Variants in SLCO4A1 observed in about 807,000 individuals in gnomAD.
The protein encoded by SLCO4A1 is solute carrier organic anion transporter family member 4A1, also known as colon organic anion transporter.
A neutral mutation model predicts 64.6 loss-of-function variants in SLCO4A1; 51 were observed. The observed-to-expected ratio is 0.79, with a 90% confidence interval of 0.63 to 1.00. The LOEUF (loss-of-function observed/expected upper bound fraction) is 1.00, where lower values mean the gene tolerates loss of function less well. SLCO4A1 is among the 50% of genes least tolerant of loss of function. SLCO4A1 has a pLI of 0.00. For synonymous variants in SLCO4A1, 471 were observed against 444.9 expected (o/e 1.06, Z -0.74); for missense variants, 919 against 980.5 (o/e 0.94, Z 0.84).
At chr20:62,665,219 A>G (rs1601659927) in intron 6 of SLCO4A1, 131 bp downstream of exon 6, 2 of 1,072,746 alleles carry the variant, frequency 1.9e-6, no homozygotes, top group East Asian at 5.0e-5. Context: ...CCGCTGCCAG[A>G]GCAGGTGTGG....
At chr20:62,658,119 G>GGTCACA in intron 2 of SLCO4A1, among the ~76,000 whole-genome samples, 1 of 152,224 alleles carries the variant, frequency 6.6e-6, no homozygotes, top group South Asian at 2.1e-4. Flanking sequence ...GGATGGTCAC[G>GGTCACA]GGGAGCAGCT....
At chr20:62,660,701 C>G (rs1984621390) in intron 4 of SLCO4A1, among the ~76,000 whole-genome samples, 168 bp downstream of exon 4, 1 of 152,238 alleles carries the variant, frequency 6.6e-6, no homozygotes, top group Non-Finnish European at 1.5e-5. Context: ...CGCCTCCTGG[C>G]TGTGGCACAA....
At chr20:62,665,444 A>C (rs1985962757) in intron 6 of SLCO4A1, 2 of 196,712 alleles carry the variant, frequency 1.0e-5, no homozygotes, top group Non-Finnish European at 1.0e-5. Flanking sequence ...GGAACAGTGC[A>C]GCTGGGGGTT....
chr20:62,656,932 G>A lies in SLCO4A1; in HGVS notation c.478G>A (p.Val160Ile), dbSNP rs757629786. 6 of 1,564,854 alleles carry A rather than the reference G, an allele frequency of 3.8e-6. No homozygotes were observed. The highest frequency in any genetic ancestry group is 1.2e-5 in the South Asian group (1 of 84,264). ...DIAACLCLTFVSYFGGSGHKP... is the reference protein window; with the variant it reads ...DIAACLCLTFISYFGGSGHKP... ...TGCCGCCTGCCTCTGCCTCACCTTC[G>A]TCAGCTACTTCGGGGGCTCAGGGCA... The change falls in exon 2 of 12, where the codon GTC (valine) becomes ATC (isoleucine). Residue 160 changes from valine to isoleucine, a missense_variant. Transcript: ENST00000217159.
At chr20:62,665,269 G>A in intron 6 of SLCO4A1, 181 bp downstream of exon 6, 1 of 628,138 alleles carries the variant, frequency 1.6e-6, no homozygotes, top group Non-Finnish European at 2.7e-6. Flanking sequence ...CCACAGGCCG[G>A]GAGAGTGGTG....
chr20:62,658,200 C>T (rs1025141548), intron 2 of SLCO4A1, among the ~76,000 whole-genome samples: 4 of 152,268 alleles, frequency 2.6e-5, no homozygotes, highest in African/African-American at 9.6e-5. Flanking sequence ...TCCCAGTCAC[C>T]TGGCAGTGCT....
intron 2 of SLCO4A1, among the ~76,000 whole-genome samples, chr20:62,679,048 A>G (rs1159560798): frequency 6.6e-6 from 1 of 152,158 alleles, no homozygotes. Flanking sequence ...ATGAAACCCC[A>G]TCTCTACTGA....
At chr20:62,643,603 C>T (rs1980799831) in intron 1 of SLCO4A1, among the ~76,000 whole-genome samples, 1 of 152,250 alleles carries the variant, frequency 6.6e-6, no homozygotes, top group South Asian at 2.1e-4. Context: ...TTGTCAGCTG[C>T]TGCTCCTCAG....
At chr20:62,687,113 AGGGCACCCCCAAACAGGCACGATGGGTG>A (rs1295963700), downstream of SLCO4A1, among the ~76,000 whole-genome samples, 6 of 146,278 alleles carry the variant, frequency 4.1e-5, no homozygotes, top group African/African-American at 1.0e-4. Flanking sequence ...GCAATGGGAA[AGGGCACCCCCAAACAGGCACGATGGGTG>A]GGGCACCCCC....
chr20:62,676,829 GA>G (rs1316287018), downstream of SLCO4A1, among the ~76,000 whole-genome samples: 6 of 152,214 alleles, frequency 3.9e-5, no homozygotes, highest in Admixed American at 2.6e-4. Context: ...TCCACATAAA[GA>G]CATGCATACA....
In SLCO4A1 at chr20:62,660,458, G is replaced by T. The variant is rs1276211364; in HGVS notation, c.934G>T (p.Val312Phe). ...CCCACTGTGGGTCGGCGCCTGGTGG[G>T]TCGGCTTCCTGGGCTCTGGGGCCGC... Reference protein sequence around the residue: ...ESPLWVGAWWVGFLGSGAAAF... With the variant: ...ESPLWVGAWWFGFLGSGAAAF... The change falls in exon 4 of 12, where the codon GTC becomes TTC. Residue 312 changes from valine (V) to phenylalanine (F), a missense_variant. Physicochemically the swap from Val to Phe is conservative, Grantham distance 50. Coordinates refer to ENST00000217159, the MANE Select transcript of SLCO4A1 (RefSeq NM_016354.4). 2 of 1,601,954 alleles carry T rather than the reference G, an allele frequency of 1.2e-6. No homozygotes were observed. Among genetic ancestry groups the T allele is most frequent in the East Asian group, 4.5e-5 (2 of 44,834 alleles).
At chr20:62,668,294 C>A (rs78015101) in intron 9 of SLCO4A1, 110 bp downstream of exon 9, 33 of 1,362,800 alleles carry the variant, frequency 2.4e-5, no homozygotes, top group Non-Finnish European at 3.2e-5. Flanking sequence ...CAGGTCTAAG[C>A]GGGCCTGTCT....
chr20:62,687,218 G>GATGGAAAGGGCGCCCCCAAACA (rs1555921744), downstream of SLCO4A1, among the ~76,000 whole-genome samples: 9 of 140,966 alleles, frequency 6.4e-5, no homozygotes, highest in Non-Finnish European at 1.3e-4. Context: ...AAACAGGAGC[G>GATGGAAAGGGCGCCCCCAAACA]GGGGCCTCTG....
chr20:62,648,514 A>G (rs1981828526), intron 1 of SLCO4A1, among the ~76,000 whole-genome samples: 2 of 151,830 alleles, frequency 1.3e-5, no homozygotes, highest in Non-Finnish European at 2.9e-5. Context: ...GCTGCATGGG[A>G]GCCGTGTGGC....
chr20:62,687,301 A>C (rs960359947), downstream of SLCO4A1, among the ~76,000 whole-genome samples: 1 of 151,998 alleles, frequency 6.6e-6, no homozygotes, highest in African/African-American at 2.4e-5. Context: ...ACCAAACGCC[A>C]CACAGCCACG....
At chr20:62,658,899 G>A in intron 3 of SLCO4A1, 132 bp downstream of exon 3, 1 of 756,514 alleles carries the variant, frequency 1.3e-6, no homozygotes, top group Non-Finnish European at 2.2e-6. Flanking sequence ...CCGGGCTGGA[G>A]GGAGTCAAGG....
At chr20:62,668,675 C>T (rs1332860273) in intron 10 of SLCO4A1, 134 bp downstream of exon 10, 5 of 907,886 alleles carry the variant, frequency 5.5e-6, no homozygotes, top group Non-Finnish European at 7.2e-6. Context: ...GGGGTCCATT[C>T]CCTAACTGTC....
rs772185734 is a variant in SLCO4A1 at position 62,669,091 on chromosome 20, A to T, written c.2025+13A>T. 8 of 1,606,938 alleles carry T rather than the reference A, an allele frequency of 5.0e-6. No individual in the cohort carries two copies. The African/African-American group carries it at 1.1e-4, about 21-fold the overall frequency. On this transcript the variant is annotated intron_variant, in intron 11 of 11. Transcript: ENST00000217159. Reference sequence around the variant, plus strand: ...GCTCCTGTACAAGGTAAGCAGGCCCAGGGAGGGGACAGAGGGTCTGCTCTG... The same window carrying T: ...GCTCCTGTACAAGGTAAGCAGGCCCTGGGAGGGGACAGAGGGTCTGCTCTG...
At position 62,656,371 on chromosome 20, in the gene SLCO4A1, C is replaced by T. The variant is rs1983710609; in HGVS notation, c.-84C>T. 1 of 1,199,742 alleles carries T rather than the reference C, an allele frequency of 8.3e-7. No homozygotes were observed. Among genetic ancestry groups the T allele is most frequent in the Admixed American group, 2.9e-5 (1 of 34,880 alleles). 74.3% of individuals were successfully genotyped at this position (1,199,742 alleles called of 1,614,324 possible). On this transcript the variant is annotated 5_prime_UTR_variant, in exon 2 of 12. Transcript: ENST00000217159. Reference sequence around the variant, plus strand: ...ATTCTTCTCACAGGACACACCAGCCCCTCGGATACCACTTGGCCACTCCCG... The same window carrying T: ...ATTCTTCTCACAGGACACACCAGCCTCTCGGATACCACTTGGCCACTCCCG...
Sources: gnomAD v4.1 joint callset for allele counts (sites outside exome capture counted in the v4.1 genomes callset) on GRCh38, gnomAD v4.1.1 for gene constraint, MANE v1.5 for transcripts, NCBI Gene and HGNC (gene_info 2026-07-23, HGNC 2026-07-21) for gene names.